The following ARIH2 variants were observed in gnomAD, a reference collection of about 807,000 sequenced individuals.
ARIH2 encodes ariadne RBR E3 ubiquitin protein ligase 2, also known as E3 ubiquitin-protein ligase ARIH2.
ARIH2 carries 12 observed loss-of-function variants against 79.8 expected under a neutral mutation model. That is an observed-to-expected ratio of 0.15 (90% CI 0.10 to 0.24). The LOEUF (loss-of-function observed/expected upper bound fraction) is 0.24, where lower values mean the gene tolerates loss of function less well. ARIH2 is among the 10% of genes least tolerant of loss of function. The pLI, the probability that ARIH2 is intolerant of heterozygous loss-of-function variation, is 1.00. For synonymous variants in ARIH2, 224 were observed against 213.9 expected (o/e 1.05, Z -0.41); for missense variants, 301 against 618.3 (o/e 0.49, Z 5.44).
intron 3 of ARIH2, among the ~76,000 whole-genome samples, chr3:48,938,296 GCTT>G (rs964685407): frequency 2.1e-4 from 32 of 152,216 alleles, no homozygotes; most frequent in African/African-American, 6.7e-4. Flanking sequence ...CCCTACCTCT[GCTT>G]CTTCTGTTTG....
At chr3:48,971,615 C>T (rs1260323313) in intron 8 of ARIH2, among the ~76,000 whole-genome samples, 1 of 152,174 alleles carries the variant, frequency 6.6e-6, no homozygotes, top group Non-Finnish European at 1.5e-5. Flanking sequence ...ATAATTTAGG[C>T]CCAGATCTGT....
rs367621951 is a variant in ARIH2 at position 48,967,125 on chromosome 3, G to A, written c.388G>A (p.Val130Ile). The change falls in exon 6 of 16, where the codon GTT (valine) becomes ATT (isoleucine). Residue 130 changes from valine to isoleucine, a missense_variant and splice_region_variant. Coordinates refer to ENST00000356401, the MANE Select transcript of ARIH2 (RefSeq NM_006321.4). The part of the protein sequence containing the change: ...ARVQPNPSKH[V>I]PTSHPPHHCA... ...CTCATGTGGCTCTGTTTCTCTCCAGGTTCCCACATCCCATCCCCCTCACCA... is the reference window on the plus strand; with the variant it reads ...CTCATGTGGCTCTGTTTCTCTCCAGATTCCCACATCCCATCCCCCTCACCA... The A allele has an allele frequency of 2.1e-4, 346 of 1,613,306 alleles. No homozygotes were observed. Among genetic ancestry groups the A allele is most frequent in the Non-Finnish European group, 2.8e-4 (330 of 1,179,576 alleles).
intron 4 of ARIH2, among the ~76,000 whole-genome samples, chr3:48,964,352 G>C (rs1347731554): frequency 1.4e-5 from 2 of 143,240 alleles, no homozygotes; most frequent in Non-Finnish European, 3.0e-5. Flanking sequence ...ATCTCGCTCT[G>C]TCTTGCAGGC....
Position 48,927,500 on chromosome 3 carries a change from T to G in ARIH2, c.-59T>G. 6.3e-7 allele frequency: 1 copy of G among 1,579,276 alleles called. No homozygotes were observed. Among genetic ancestry groups the G allele is most frequent in the Non-Finnish European group, 8.6e-7 (1 of 1,165,442 alleles). On this transcript the variant is annotated 5_prime_UTR_variant, in exon 3 of 16. Transcript: ENST00000356401. ...TAATGCATTTGAGAAAGCGGTAGTT[T>G]TGGGGGGAGGGGGAAAAAGCAACTG...
rs779744288 is a variant in ARIH2, at chr3:48,927,706, G to T, written c.148G>T (p.Gly50Trp). The change falls in exon 3 of 16, where the codon GGG becomes TGG. Residue 50 changes from glycine to tryptophan, a missense_variant. Gly to Trp is a radical substitution (Grantham distance 184). Transcript: ENST00000356401. ...VGVASDVEQQ[G>W]ADAFDPEEYQ... The stretch of plus-strand genomic sequence containing the variant: ...AGTAGCCAGCGATGTGGAGCAGCAG[G>T]GGGCTGATGCCTTTGATCCCGAGGA... The T allele has an allele frequency of 6.2e-7, 1 of 1,614,190 alleles. No individual in the cohort carries two copies. The highest frequency in any genetic ancestry group is 2.2e-5 in the East Asian group (1 of 44,880).
Position 48,945,747 on chromosome 3 carries a change from G to A in ARIH2, c.256-15865G>A, listed in dbSNP as rs115487556. 9.7e-3 allele frequency among the ~76,000 whole-genome samples: 1,476 copies of A among 152,188 alleles called. 16 individuals carry two copies. Among genetic ancestry groups the A allele is most frequent in the African/African-American group, 0.034 (1,421 of 41,524 alleles). On this transcript the variant is annotated intron_variant, in intron 3 of 15. Transcript: ENST00000356401. Reference sequence around the variant, plus strand: ...GTAGAAATCAGAAAATAAGTTTGTGGCTGTTATTAACAAACTTCAGGTGGA... The same window carrying A: ...GTAGAAATCAGAAAATAAGTTTGTGACTGTTATTAACAAACTTCAGGTGGA...
intron 3 of ARIH2, among the ~76,000 whole-genome samples, chr3:48,955,561 G>T (rs1337579176): frequency 1.3e-5 from 2 of 152,176 alleles, no homozygotes; most frequent in Non-Finnish European, 2.9e-5. Flanking sequence ...GGGACAGGGG[G>T]TGAAGGACTC....
rs1488047841 is a variant in ARIH2 at position 48,959,659 on chromosome 3, A to AC, written c.256-1953_256-1952insC. ...TCTACTAAAAAATACCAAAAAAAAAAAAAAAAAAAAAAAAAAGAAAAGAAA... is the reference window on the plus strand; with the variant it reads ...TCTACTAAAAAATACCAAAAAAAAAACAAAAAAAAAAAAAAAAGAAAAGAAA... On this transcript the variant is annotated intron_variant, in intron 3 of 15. Coordinates refer to ENST00000356401, the MANE Select transcript of ARIH2 (RefSeq NM_006321.4). Among the ~76,000 whole-genome samples the AC allele has an allele frequency of 1.1e-4, 14 of 128,736 alleles. No individual in the cohort carries two copies. In the East Asian group the frequency reaches 2.3e-3, roughly 21 times the overall value. The allele number at this position is 128,736 out of a possible 152,430, so 84.5% of individuals were successfully genotyped here.
intron 3 of ARIH2, among the ~76,000 whole-genome samples, chr3:48,947,562 T>C (rs1327838398): frequency 5.9e-5 from 9 of 152,226 alleles, no homozygotes; most frequent in African/African-American, 2.2e-4. Context: ...GTGTATACAG[T>C]CAGTTAACCT....
chr3:48,967,017 C>A, intron 5 of ARIH2, 108 bp from the exon 6 acceptor site: 2 of 1,217,498 alleles, frequency 1.6e-6, no homozygotes, highest in Non-Finnish European at 2.3e-6. Context: ...AGCTCTGATA[C>A]TTGTTGCAGG....
chr3:48,935,030 A>G (rs2086918296), intron 3 of ARIH2: 1 of 806,770 alleles, frequency 1.2e-6, no homozygotes, highest in Non-Finnish European at 1.5e-6. Flanking sequence ...AGATGTTACT[A>G]CAGTATTTAA....
chr3:48,956,419 G>T (rs1287170800), intron 3 of ARIH2, among the ~76,000 whole-genome samples: 1 of 140,222 alleles, frequency 7.1e-6, no homozygotes, highest in Non-Finnish European at 1.5e-5. Flanking sequence ...GGTTACAGAC[G>T]TGAGCCACTG....
intron 6 of ARIH2, 26 bp downstream of exon 6, chr3:48,967,301 A>G: frequency 6.2e-7 from 1 of 1,607,282 alleles, no homozygotes; most frequent in Non-Finnish European, 8.5e-7. Context: ...AACTTATAAA[A>G]AGCTGGCATG....
At chr3:48,977,407 G>A (rs2107667953) in intron 11 of ARIH2, among the ~76,000 whole-genome samples, 1 of 151,902 alleles carries the variant, frequency 6.6e-6, no homozygotes, top group East Asian at 2.0e-4. Context: ...CCAGGTTCAA[G>A]CAATTATCCT....
At chr3:48,967,631 C>G (rs186867015) in intron 6 of ARIH2, among the ~76,000 whole-genome samples, 1 of 152,142 alleles carries the variant, frequency 6.6e-6, no homozygotes, top group Non-Finnish European at 1.5e-5. Context: ...TAGCACAAAT[C>G]AAATTTGATG....
intron 3 of ARIH2, chr3:48,945,323 TAAAG>T (rs572772199): frequency 6.2e-6 from 4 of 646,218 alleles, no homozygotes; most frequent in Admixed American, 3.4e-5. Context: ...ACTAAAAAGA[TAAAG>T]AAGCCACTGA....
intron 3 of ARIH2, chr3:48,943,538 T>C (rs1296475858): frequency 1.3e-5 from 2 of 151,876 alleles, no homozygotes; most frequent in African/African-American, 4.8e-5. Context: ...GCACAGGTAT[T>C]GTTCCAGGTT....
intron 5 of ARIH2, 132 bp downstream of exon 5, chr3:48,965,114 G>C: frequency 1.5e-6 from 1 of 680,248 alleles, no homozygotes; most frequent in Non-Finnish European, 2.4e-6. Flanking sequence ...CAGCACTTTG[G>C]GAGGCTGAGG....
chr3:48,942,207 C>A (rs922100548), intron 3 of ARIH2, among the ~76,000 whole-genome samples: 1 of 151,952 alleles, frequency 6.6e-6, no homozygotes, highest in Non-Finnish European at 1.5e-5. Context: ...CCCGCCACCA[C>A]GCCCAGGTAA....
Sources: gnomAD v4.1 joint callset for allele counts (sites outside exome capture counted in the v4.1 genomes callset) on GRCh38, gnomAD v4.1.1 for gene constraint, MANE v1.5 for transcripts, NCBI Gene and HGNC (gene_info 2026-07-23, HGNC 2026-07-21) for gene names.